The following VAMP7 variants were observed in gnomAD, a reference collection of about 807,000 sequenced individuals.
The protein encoded by VAMP7 is vesicle associated membrane protein 7, also known as vesicle-associated membrane protein 7.
Under a neutral mutation model 29.6 loss-of-function variants are expected in VAMP7, and 14 were observed. That is an observed-to-expected ratio of 0.47 (90% CI 0.31 to 0.74). The LOEUF (loss-of-function observed/expected upper bound fraction) is 0.74, where lower values mean the gene tolerates loss of function less well. Among genes scored for constraint, VAMP7 ranks in the 30% least tolerant of loss-of-function variants. The pLI is 0.05. For synonymous variants in VAMP7, 95 were observed against 88.1 expected (o/e 1.08, Z -0.44); for missense variants, 223 against 262.4 (o/e 0.85, Z 1.04).
intron 5 of VAMP7, among the ~76,000 whole-genome samples, chrX:155,912,752 G>A (rs1437833726): frequency 6.6e-6 from 1 of 152,210 alleles, no homozygotes; most frequent in East Asian, 1.9e-4. Flanking sequence ...TCTTTATCCA[G>A]TCTATCATTG....
intron 6 of VAMP7, among the ~76,000 whole-genome samples, chrX:155,921,777 G>A (rs2066399347): frequency 6.6e-6 from 1 of 151,728 alleles, no homozygotes; most frequent in African/African-American, 2.4e-5. Flanking sequence ...GTCCAATATT[G>A]TCTTCACTCT....
rs778836011 is a variant in VAMP7, at chrX:155,926,518, G to T, written c.501+6638G>T. On this transcript the variant is annotated intron_variant, in intron 6 of 7. Coordinates refer to ENST00000286448, the MANE Select transcript of VAMP7 (RefSeq NM_005638.6). ...CATAGAGTTGAAGAGTTAGGGCCTTGCTCTGTATTAGGCTTTGGCCTAAGG... is the reference window on the plus strand; with the variant it reads ...CATAGAGTTGAAGAGTTAGGGCCTTTCTCTGTATTAGGCTTTGGCCTAAGG... Among the ~76,000 whole-genome samples, 6 of 152,260 alleles carry T rather than the reference G, an allele frequency of 3.9e-5. No homozygotes were observed. In the East Asian group the frequency reaches 1.2e-3, roughly 29 times the overall value.
At chrX:155,887,950 AAAAG>A (rs1170062062) in intron 1 of VAMP7, among the ~76,000 whole-genome samples, 3 of 151,826 alleles carry the variant, frequency 2.0e-5, no homozygotes, top group Non-Finnish European at 2.9e-5. Flanking sequence ...AAAAAAAAAA[AAAAG>A]AAAAGAAACA....
intron 2 of VAMP7, among the ~76,000 whole-genome samples, chrX:155,893,272 A>G (rs1024014102): frequency 6.6e-6 from 1 of 152,158 alleles, no homozygotes; most frequent in African/African-American, 2.4e-5. Context: ...TATGTCTAGT[A>G]GACAGTAGTG....
rs2066370822 is a variant in VAMP7 at position 155,919,896 on chromosome X, G to A, written c.501+16G>A. On this transcript the variant is annotated intron_variant, in intron 6 of 7. Coordinates refer to ENST00000286448, the MANE Select transcript of VAMP7 (RefSeq NM_005638.6). ...TGTGGATTCTGTAAGTATGGAATCT[G>A]ATAATATGGAGTCTGATGTAAAGTG... is the stretch of plus-strand genomic sequence containing the variant. 6 of 1,592,120 alleles carry A rather than the reference G, an allele frequency of 3.8e-6. No individual in the cohort carries two copies. The South Asian group carries it at 6.7e-5, about 18-fold the overall frequency.
intron 4 of VAMP7, among the ~76,000 whole-genome samples, chrX:155,900,145 C>A (rs2066041746): frequency 6.6e-6 from 1 of 151,994 alleles, no homozygotes; most frequent in African/African-American, 2.4e-5. Context: ...ACTGCCCCAA[C>A]TACAGTCTTC....
rs768163437 is a variant in VAMP7 at position 155,932,013 on chromosome X, G to T, written c.502-7688G>T. On this transcript the variant is annotated intron_variant, in intron 6 of 7. Coordinates refer to ENST00000286448, the MANE Select transcript of VAMP7 (RefSeq NM_005638.6). ...TGTCAGGTTTGTCAAAGATGACATGGTTGTAGATGTGTGGTATTACTTCTG... is the reference window on the plus strand; with the variant it reads ...TGTCAGGTTTGTCAAAGATGACATGTTTGTAGATGTGTGGTATTACTTCTG... 1.3e-3 allele frequency among the ~76,000 whole-genome samples: 203 copies of T among 152,184 alleles called. 6 individuals carry two copies. In the South Asian group the frequency reaches 0.042, roughly 32 times the overall value.
intron 4 of VAMP7, among the ~76,000 whole-genome samples, chrX:155,899,896 A>G (rs1226155362): frequency 1.3e-5 from 2 of 152,200 alleles, no homozygotes; most frequent in East Asian, 3.9e-4. Context: ...TGAAGCACTT[A>G]ACACAATGAA....
chrX:155,907,686 C>G (rs2066166579), intron 5 of VAMP7, among the ~76,000 whole-genome samples: 1 of 152,140 alleles, frequency 6.6e-6, no homozygotes, highest in Non-Finnish European at 1.5e-5. Flanking sequence ...TCTTCACAGA[C>G]ACAGCAACCA....
At chrX:155,913,691 A>G (rs1285822044) in intron 5 of VAMP7, among the ~76,000 whole-genome samples, 2 of 151,894 alleles carry the variant, frequency 1.3e-5, no homozygotes, top group African/African-American at 2.4e-5. Context: ...GTAGATGTGT[A>G]GCGTTATTTC....
intron 6 of VAMP7, among the ~76,000 whole-genome samples, chrX:155,923,888 C>T (rs1013691647): frequency 9.2e-5 from 14 of 151,994 alleles, no homozygotes; most frequent in East Asian, 1.9e-4. Context: ...TTCTGCAGTT[C>T]GCAATCTGCT....
intron 2 of VAMP7, among the ~76,000 whole-genome samples, chrX:155,894,775 C>A (rs2065966395): frequency 6.6e-6 from 1 of 151,872 alleles, no homozygotes; most frequent in Non-Finnish European, 1.5e-5. Context: ...GCCACCACAC[C>A]TGGCTAATTT....
At chrX:155,903,614 A>G (rs1465600160) in intron 5 of VAMP7, among the ~76,000 whole-genome samples, 4 of 152,170 alleles carry the variant, frequency 2.6e-5, no homozygotes, top group African/African-American at 9.7e-5. Flanking sequence ...AATGCTCACC[A>G]TCACTGGCCA....
intron 5 of VAMP7, among the ~76,000 whole-genome samples, chrX:155,917,841 G>A (rs773610544): frequency 6.6e-6 from 1 of 152,228 alleles, no homozygotes; most frequent in Admixed American, 6.5e-5. Context: ...CACTGTGCTG[G>A]GATTGCCGCT....
intron 6 of VAMP7, among the ~76,000 whole-genome samples, chrX:155,933,872 T>C (rs1464541355): frequency 2.6e-5 from 4 of 152,188 alleles, no homozygotes; most frequent in Non-Finnish European, 5.9e-5. Context: ...CTGCTTTAAA[T>C]GTGTCCCAGA....
chrX:155,887,092 C>T (rs1002915142), intron 1 of VAMP7, among the ~76,000 whole-genome samples: 1 of 152,172 alleles, frequency 6.6e-6, no homozygotes, highest in Non-Finnish European at 1.5e-5. Flanking sequence ...TTACAGTCTT[C>T]ATTCTCTTTC....
intron 3 of VAMP7, among the ~76,000 whole-genome samples, chrX:155,897,611 C>T (rs2066003767): frequency 1.3e-5 from 2 of 152,076 alleles, no homozygotes; most frequent in Admixed American, 1.3e-4. Context: ...AACACACATA[C>T]TTTTTGGCTG....
chrX:155,885,918 C>G (rs2065859738), intron 1 of VAMP7, among the ~76,000 whole-genome samples: 1 of 152,028 alleles, frequency 6.6e-6, no homozygotes, highest in East Asian at 1.9e-4. Context: ...TTTAAGCAAC[C>G]AAGTTTTTGG....
intron 1 of VAMP7, among the ~76,000 whole-genome samples, chrX:155,886,683 T>C (rs144900894): frequency 6.6e-6 from 1 of 152,320 alleles, no homozygotes; most frequent in Non-Finnish European, 1.5e-5. Context: ...TTTTGTCTAG[T>C]CGTTAAATAT....
Sources: gnomAD v4.1 joint callset for allele counts (sites outside exome capture counted in the v4.1 genomes callset) on GRCh38, gnomAD v4.1.1 for gene constraint, MANE v1.5 for transcripts, NCBI Gene and HGNC (gene_info 2026-07-23, HGNC 2026-07-21) for gene names.